Variants in SUCLG2 observed in about 807,000 individuals in gnomAD.
SUCLG2 encodes the protein succinate-CoA ligase GDP-forming subunit beta, also known as succinate--CoA ligase [GDP-forming] subunit beta, mitochondrial.
In SUCLG2, 42 loss-of-function variants were observed where a neutral mutation model predicts 47.9. The ratio of observed to expected loss-of-function variants is 0.88; its 90% CI spans 0.69 to 1.14. SUCLG2 has a LOEUF of 1.14. SUCLG2 is among the 50% of genes most tolerant of loss of function. SUCLG2 has a pLI of 0.00. For synonymous variants in SUCLG2, 195 were observed against 197.3 expected (o/e 0.99, Z 0.10); for missense variants, 571 against 525.9 (o/e 1.09, Z -0.84).
intron 2 of SUCLG2, among the ~76,000 whole-genome samples, chr3:67,572,868 A>G (rs1707651311): frequency 6.6e-6 from 1 of 152,228 alleles, no homozygotes; most frequent in Admixed American, 6.5e-5. Context: ...AAAAAACAAA[A>G]AGACATAACA....
intron 2 of SUCLG2, among the ~76,000 whole-genome samples, chr3:67,577,048 G>T (rs1456746282): frequency 6.6e-6 from 1 of 152,166 alleles, no homozygotes; most frequent in African/African-American, 2.4e-5. Context: ...CAAAAGTGAA[G>T]TGCTGGCCAG....
rs150325795 is a variant in SUCLG2, at chr3:67,583,304, C to T, written c.226+26151G>A. Among the ~76,000 whole-genome samples the T allele has an allele frequency of 2.3e-3, 350 of 152,310 alleles. 3 individuals carry two copies. The highest frequency in any genetic ancestry group is 0.017 in the East Asian group (89 of 5,178). ...CCCTAGGGAGAGCCACCATCCTCCCCGCTTGCCTGCCTCCTCACTGGTCTC... is the reference window on the plus strand; with the variant it reads ...CCCTAGGGAGAGCCACCATCCTCCCTGCTTGCCTGCCTCCTCACTGGTCTC... On this transcript the variant is annotated intron_variant, in intron 2 of 10. Transcript: ENST00000307227.
intron 1 of SUCLG2, among the ~76,000 whole-genome samples, chr3:67,648,365 C>T (rs1432671917): frequency 1.3e-5 from 2 of 152,186 alleles, no homozygotes; most frequent in Non-Finnish European, 2.9e-5. Context: ...ACACCTTCAT[C>T]AGCACAAGTC....
At chr3:67,458,677 G>C (rs1320526570) in intron 9 of SUCLG2, among the ~76,000 whole-genome samples, 3 of 152,078 alleles carry the variant, frequency 2.0e-5, no homozygotes, top group Admixed American at 6.6e-5. Flanking sequence ...GGGGAAAAAA[G>C]CACCTTGAGA....
At chr3:67,623,581 A>C (rs55662797) in intron 1 of SUCLG2, among the ~76,000 whole-genome samples, 8,717 of 152,256 alleles carry the variant, frequency 0.057, 342 homozygotes, top group African/African-American at 0.11. Context: ...TAAATTTTCA[A>C]AAAGGGGAAA....
At chr3:67,557,400 C>T (rs1255175609) in intron 2 of SUCLG2, among the ~76,000 whole-genome samples, 1 of 152,136 alleles carries the variant, frequency 6.6e-6, no homozygotes, top group Non-Finnish European at 1.5e-5. Flanking sequence ...ATTCCTACCA[C>T]GTCCTGACCA....
intron 1 of SUCLG2, among the ~76,000 whole-genome samples, chr3:67,612,696 G>A (rs1374043643): frequency 6.6e-6 from 1 of 152,120 alleles, no homozygotes; most frequent in Non-Finnish European, 1.5e-5. Flanking sequence ...CCTTACTTCA[G>A]CTGAAGTTAG....
At chr3:67,465,264 C>A (rs1704442431) in intron 9 of SUCLG2, among the ~76,000 whole-genome samples, 1 of 152,142 alleles carries the variant, frequency 6.6e-6, no homozygotes, top group Admixed American at 6.5e-5. Flanking sequence ...AGAATGAATT[C>A]AAACTTCCTG....
At chr3:67,547,668 A>C (rs1575769715) in intron 2 of SUCLG2, among the ~76,000 whole-genome samples, 1 of 152,182 alleles carries the variant, frequency 6.6e-6, no homozygotes, top group South Asian at 2.1e-4. Context: ...TAAAAACAGA[A>C]TAACTCCAGA....
intron 2 of SUCLG2, 115 bp from the exon 3 acceptor site, chr3:67,529,301 C>A: frequency 1.4e-6 from 1 of 716,044 alleles, no homozygotes; most frequent in South Asian, 1.9e-5. Flanking sequence ...AAAGCTCTCT[C>A]AAACTAACTT....
At chr3:67,420,441 G>C (rs1279795974) in intron 9 of SUCLG2, among the ~76,000 whole-genome samples, 1 of 152,182 alleles carries the variant, frequency 6.6e-6, no homozygotes, top group Non-Finnish European at 1.5e-5. Flanking sequence ...GACTTCAAGA[G>C]AAGTAAGGGA....
At chr3:67,398,087 T>C (rs1341127595) in intron 10 of SUCLG2, among the ~76,000 whole-genome samples, 1 of 150,200 alleles carries the variant, frequency 6.7e-6, no homozygotes, top group African/African-American at 2.5e-5. Context: ...ACCTCGGCAT[T>C]ACCATTCAGG....
At chr3:67,392,871 T>C (rs944573341) in intron 10 of SUCLG2, among the ~76,000 whole-genome samples, 5 of 151,968 alleles carry the variant, frequency 3.3e-5, no homozygotes, top group Admixed American at 6.5e-5. Flanking sequence ...CTGGAGAATA[T>C]TGTCATGATC....
chr3:67,635,260 C>A (rs1449557263), intron 1 of SUCLG2, among the ~76,000 whole-genome samples: 1 of 152,146 alleles, frequency 6.6e-6, no homozygotes, highest in Admixed American at 6.5e-5. Context: ...CAAATTCCTG[C>A]CTTGGCTGAG....
At chr3:67,480,449 C>A (rs1166765661) in intron 9 of SUCLG2, among the ~76,000 whole-genome samples, 1 of 152,208 alleles carries the variant, frequency 6.6e-6, no homozygotes, top group Non-Finnish European at 1.5e-5. Context: ...CCAGATGATG[C>A]TGATGCTGCT....
intron 2 of SUCLG2, among the ~76,000 whole-genome samples, chr3:67,563,270 A>G (rs1244265639): frequency 2.0e-5 from 3 of 152,164 alleles, no homozygotes; most frequent in Non-Finnish European, 4.4e-5. Context: ...TGCTGTGAAC[A>G]GTGAAAAACA....
rs1700704339 is a variant in SUCLG2, at chr3:67,619,932, G to A, written c.85-10336C>T. ...CTGTCTGTTCCCTCCTGGAGAGTATGCTAGCTCAATCATGTTGTAGAAGAA... is the reference window on the plus strand; with the variant it reads ...CTGTCTGTTCCCTCCTGGAGAGTATACTAGCTCAATCATGTTGTAGAAGAA... On this transcript the variant is annotated intron_variant, in intron 1 of 10. Coordinates refer to ENST00000307227, the MANE Select transcript of SUCLG2 (RefSeq NM_003848.4). Among the ~76,000 whole-genome samples the A allele has an allele frequency of 2.0e-5, 3 of 152,170 alleles. 1 individual carries two copies. Among genetic ancestry groups the A allele is most frequent in the African/African-American group, 4.8e-5 (2 of 41,424 alleles).
chr3:67,454,723 G>A (rs1248935678), intron 9 of SUCLG2, among the ~76,000 whole-genome samples: 1 of 152,174 alleles, frequency 6.6e-6, no homozygotes, highest in Non-Finnish European at 1.5e-5. Flanking sequence ...AACACTTTGG[G>A]AGGCCAAGGC....
At chr3:67,602,054 G>C (rs1559591259) in intron 2 of SUCLG2, among the ~76,000 whole-genome samples, 2 of 151,882 alleles carry the variant, frequency 1.3e-5, no homozygotes, top group Non-Finnish European at 2.9e-5. Flanking sequence ...ACACCAAAAA[G>C]ACAGAAAGTA....
Sources: gnomAD v4.1 joint callset for allele counts (sites outside exome capture counted in the v4.1 genomes callset) on GRCh38, gnomAD v4.1.1 for gene constraint, MANE v1.5 for transcripts, NCBI Gene and HGNC (gene_info 2026-07-23, HGNC 2026-07-21) for gene names.